The following CSMD3 variants were observed in gnomAD, a reference collection of about 807,000 sequenced individuals.
The protein encoded by CSMD3 is CUB and sushi domain-containing protein 3.
CSMD3 carries 177 observed loss-of-function variants against 435.2 expected under a neutral mutation model. The observed-to-expected ratio is 0.41, with a 90% CI of 0.36 to 0.46. CSMD3 has a LOEUF of 0.46. Ranked by LOEUF, CSMD3 falls within the 20% of genes least tolerant of loss-of-function variation. The pLI is 0.34. For synonymous variants in CSMD3, 1,656 were observed against 1,520.5 expected, an observed-to-expected ratio of 1.09 and a Z score of -2.07; for missense variants, 4,265 against 4,504.6, an observed-to-expected ratio of 0.95 and a Z score of 1.52.
At chr8:112,473,157 CTAT>C (rs1249606913) in intron 31 of CSMD3, among the ~76,000 whole-genome samples, 1 of 152,120 alleles carries the variant, frequency 6.6e-6, no homozygotes, top group African/African-American at 2.4e-5. Flanking sequence ...TCTAAGTATT[CTAT>C]TTTCTCATCA....
At chr8:112,454,834 A>G (rs1433560466) in intron 32 of CSMD3, among the ~76,000 whole-genome samples, 2 of 152,038 alleles carry the variant, frequency 1.3e-5, no homozygotes, top group Non-Finnish European at 2.9e-5. Context: ...CTACAAAAAA[A>G]AATCTAAAAA....
chr8:112,246,421 C>G (rs1453973402), intron 64 of CSMD3, among the ~76,000 whole-genome samples: 1 of 152,070 alleles, frequency 6.6e-6, no homozygotes, highest in Admixed American at 6.6e-5. Context: ...GAAAGAAAAG[C>G]CAAATAGCTG....
At chr8:113,427,342 T>G (rs1425909142) in intron 1 of CSMD3, among the ~76,000 whole-genome samples, 1 of 151,446 alleles carries the variant, frequency 6.6e-6, no homozygotes. Context: ...AAGTTTCCCA[T>G]TTGCCTATAT....
intron 31 of CSMD3, among the ~76,000 whole-genome samples, chr8:112,475,333 T>G (rs1159318605): frequency 6.6e-6 from 1 of 152,126 alleles, no homozygotes; most frequent in Non-Finnish European, 1.5e-5. Flanking sequence ...AAAATCATAT[T>G]TAGAAATATG....
At chr8:112,280,207 T>C (rs1386041831) in intron 59 of CSMD3, among the ~76,000 whole-genome samples, 1 of 152,128 alleles carries the variant, frequency 6.6e-6, no homozygotes, top group Non-Finnish European at 1.5e-5. Context: ...TATCCCCAAG[T>C]CTCCTTTGCT....
intron 6 of CSMD3, among the ~76,000 whole-genome samples, chr8:112,996,934 C>A (rs1411959099): frequency 1.3e-5 from 2 of 151,520 alleles, no homozygotes; most frequent in Non-Finnish European, 3.0e-5. Flanking sequence ...CCCAGGATAA[C>A]AGAACTGTAA....
At chr8:113,249,518 T>C (rs1290890384) in intron 3 of CSMD3, among the ~76,000 whole-genome samples, 1 of 152,088 alleles carries the variant, frequency 6.6e-6, no homozygotes, top group Non-Finnish European at 1.5e-5. Flanking sequence ...GGAATCAATT[T>C]TTTATTGTGA....
At chr8:112,575,619 G>A (rs188983884) in intron 23 of CSMD3, among the ~76,000 whole-genome samples, 43 of 152,166 alleles carry the variant, frequency 2.8e-4, no homozygotes, top group African/African-American at 1.0e-3. Flanking sequence ...TTCTGTTTTA[G>A]TTATCAGCAA....
intron 4 of CSMD3, among the ~76,000 whole-genome samples, chr8:113,100,320 A>C (rs2131553499): frequency 6.6e-6 from 1 of 152,248 alleles, no homozygotes; most frequent in African/African-American, 2.4e-5. Context: ...ACCATGTGGC[A>C]TACTACTACA....
intron 5 of CSMD3, among the ~76,000 whole-genome samples, chr8:113,048,720 G>A (rs1275176218): frequency 6.6e-6 from 1 of 152,126 alleles, no homozygotes; most frequent in Non-Finnish European, 1.5e-5. Flanking sequence ...GTATTAAGAT[G>A]ACAGCAGAAA....
chr8:112,302,498 T>A (rs932061116), intron 52 of CSMD3, among the ~76,000 whole-genome samples: 1 of 152,104 alleles, frequency 6.6e-6, no homozygotes, highest in Admixed American at 6.6e-5. Flanking sequence ...ATCTGTTTTT[T>A]CTAAGTTTTA....
At chr8:112,708,237 G>T (rs2076539376) in intron 13 of CSMD3, among the ~76,000 whole-genome samples, 1 of 151,980 alleles carries the variant, frequency 6.6e-6, no homozygotes, top group Non-Finnish European at 1.5e-5. Context: ...TTATAGTACA[G>T]AAGAAGAAGG....
intron 3 of CSMD3, among the ~76,000 whole-genome samples, chr8:113,246,432 A>G (rs569845982): frequency 1.6e-4 from 25 of 152,086 alleles, no homozygotes; most frequent in African/African-American, 5.5e-4. Context: ...TTTTAAATGT[A>G]TATCTTTTTA....
intron 28 of CSMD3, 50 bp from the exon 29 acceptor site, chr8:112,506,879 A>G (rs1296120402): frequency 6.6e-7 from 1 of 1,505,058 alleles, no homozygotes; most frequent in South Asian, 1.2e-5. Flanking sequence ...AATACAATTT[A>G]TTAGCTATCA....
chr8:113,361,386 G>A (rs545743404), intron 1 of CSMD3, among the ~76,000 whole-genome samples: 3 of 151,956 alleles, frequency 2.0e-5, no homozygotes, highest in African/African-American at 4.8e-5. Flanking sequence ...TATTTATGTC[G>A]ATGGAAAAAG....
intron 27 of CSMD3, among the ~76,000 whole-genome samples, chr8:112,549,368 A>G (rs1563689784): frequency 1.3e-5 from 2 of 151,812 alleles, no homozygotes; most frequent in Non-Finnish European, 2.9e-5. Flanking sequence ...ATTTTATTCC[A>G]TTTTCTCAAA....
chr8:113,278,769 T>C, intron 2 of CSMD3, 65 bp from the exon 3 acceptor site: 1 of 802,606 alleles, frequency 1.2e-6, no homozygotes, highest in Non-Finnish European at 2.2e-6. Flanking sequence ...TTAAGAAGGA[T>C]TAAAGTCATA....
At chr8:112,870,638 T>C (rs930919720) in intron 10 of CSMD3, among the ~76,000 whole-genome samples, 3 of 152,082 alleles carry the variant, frequency 2.0e-5, no homozygotes, top group Non-Finnish European at 4.4e-5. Flanking sequence ...ACAAAATGAC[T>C]ATTAGATAAT....
intron 9 of CSMD3, among the ~76,000 whole-genome samples, chr8:112,926,269 T>G (rs1237155291): frequency 6.6e-6 from 1 of 151,924 alleles, no homozygotes; most frequent in Non-Finnish European, 1.5e-5. Flanking sequence ...AGCGTGTGTG[T>G]GTTTGTGTGT....
Sources: allele counts gnomAD v4.1 joint callset (sites outside exome capture counted in the v4.1 genomes callset), GRCh38; gene constraint gnomAD v4.1.1; transcripts MANE v1.5; gene names NCBI Gene and HGNC (gene_info 2026-07-23, HGNC 2026-07-21).